Variants in MYBPC2 observed in about 807,000 individuals in gnomAD.
MYBPC2 encodes the protein myosin binding protein C2.
A neutral mutation model predicts 137.0 loss-of-function variants in MYBPC2; 122 were observed. The observed-to-expected ratio is 0.89, with a 90% CI of 0.77 to 1.03. The LOEUF is 1.03. Among genes scored for constraint, MYBPC2 ranks in the 50% least tolerant of loss-of-function variants. The probability of loss-of-function intolerance (pLI) is 0.00; values close to 1 mark genes in which losing one functional copy is unlikely to be tolerated. For synonymous variants in MYBPC2, 626 were observed against 612.3 expected (o/e 1.02, Z -0.33); for missense variants, 1,500 against 1,534.4 (o/e 0.98, Z 0.37).
In MYBPC2 at chr19:50,436,713, G is replaced by A; in HGVS notation, c.442G>A (p.Gly148Ser). The A allele has an allele frequency of 1.2e-6, 2 of 1,613,892 alleles. No individual in the cohort carries two copies. Among genetic ancestry groups the A allele is most frequent in the Non-Finnish European group, 1.7e-6 (2 of 1,179,808 alleles). Residue 148 changes from glycine to serine, a missense_variant, in exon 5 of 28, where the codon GGC becomes AGC. Physicochemically the swap from Gly to Ser is moderately conservative, Grantham distance 56 (BLOSUM62 0). Coordinates refer to ENST00000357701, the MANE Select transcript of MYBPC2 (RefSeq NM_004533.4). ...AGCCAAGGACACCTGTGACAGCTGT[G>A]GCTTCAACATCGATGTGGAGGGTAT... ...VKAKDTCDSC[G>S]FNIDVEAPRQ... is the part of the protein sequence containing the mutation.
chr19:50,464,658 G>GGCT, intron 27 of MYBPC2, 126 bp downstream of exon 27: 1 of 1,143,710 alleles, frequency 8.7e-7, no homozygotes, highest in South Asian at 1.7e-5. Flanking sequence ...CTGGGAGGAG[G>GGCT]ACTGGGAAGC....
At chr19:50,448,466 C>A (rs1196317048) in intron 13 of MYBPC2, 76 bp downstream of exon 13, 1 of 1,516,596 alleles carries the variant, frequency 6.6e-7, no homozygotes, top group Non-Finnish European at 8.9e-7. Flanking sequence ...ACAAGCTGTC[C>A]CCCATTTATT....
Position 50,455,532 on chromosome 19 carries a change from C to T in MYBPC2, c.2226C>T (p.His742=), listed in dbSNP as rs1380893882. The T allele has an allele frequency of 6.2e-7, 1 of 1,613,896 alleles. No homozygotes were observed. Among genetic ancestry groups the T allele is most frequent in the Admixed American group, 1.7e-5 (1 of 60,004 alleles). ...CAGCACCCACGAGTGAACCCCTGCA[C>T]CTGATAGTGGAGGATGTGACAGACA... ...MPIAPTSEPL[H]LIVEDVTDTT... is the part of the protein sequence containing the mutation. Residue 742 remains histidine, a synonymous_variant, in exon 20 of 28, where the codon CAC becomes CAT. Coordinates refer to ENST00000357701, the MANE Select transcript of MYBPC2 (RefSeq NM_004533.4).
At chr19:50,442,354 C>T (rs774440421) in intron 9 of MYBPC2, 41 bp downstream of exon 9, 51 of 1,595,532 alleles carry the variant, frequency 3.2e-5, no homozygotes, top group Middle Eastern at 3.3e-4. Context: ...GGGAGATCCC[C>T]GTCCAGAGAG....
chr19:50,458,507 G>T, intron 20 of MYBPC2, 80 bp from the exon 21 acceptor site: 1 of 1,531,526 alleles, frequency 6.5e-7, no homozygotes, highest in South Asian at 1.2e-5. Flanking sequence ...CTCGCTGCGT[G>T]GGGCCCAAGT....
intron 8 of MYBPC2, among the ~76,000 whole-genome samples, chr19:50,441,416 C>A (rs1372911349): frequency 1.3e-5 from 2 of 152,180 alleles, no homozygotes; most frequent in Admixed American, 6.5e-5. Flanking sequence ...TAACCTGCTC[C>A]TTAATCTCTA....
At chr19:50,454,990 T>C in intron 18 of MYBPC2, 118 bp from the exon 19 acceptor site, 1 of 891,460 alleles carries the variant, frequency 1.1e-6, no homozygotes, top group South Asian at 1.8e-5. Flanking sequence ...CCACCTAAGA[T>C]TCATGGCCTC....
rs370826139 is a variant in MYBPC2, at chr19:50,448,316, A to G, written c.1398A>G (p.Lys466=). Residue 466 remains lysine (K), a synonymous_variant, in exon 13 of 28, where the codon AAA becomes AAG. Coordinates refer to ENST00000357701, the MANE Select transcript of MYBPC2 (RefSeq NM_004533.4). ...AVFKCEVSDE[K]VTGKWYKNGV... ...TCAAGTGCGAGGTGTCTGATGAGAA[A>G]GTGACGGGCAAGTGGTATAAGAATG... 93 of 1,613,822 alleles carry G rather than the reference A, an allele frequency of 5.8e-5. No individual in the cohort carries two copies. Among genetic ancestry groups the G allele is most frequent in the Non-Finnish European group, 7.6e-5 (90 of 1,179,842 alleles).
intron 11 of MYBPC2, 41 bp downstream of exon 11, chr19:50,443,857 T>C: frequency 6.4e-7 from 1 of 1,570,020 alleles, no homozygotes; most frequent in Non-Finnish European, 8.7e-7. Context: ...CAGGTGCACA[T>C]AGTTTCTTTG....
In MYBPC2 at chr19:50,436,699, C is replaced by T. The variant is rs1281422023; in HGVS notation, c.428C>T (p.Thr143Ile). Residue 143 changes from threonine (T) to isoleucine (I), a missense_variant, in exon 5 of 28, where the codon ACC becomes ATC. By Grantham distance (89) the Thr-to-Ile change is moderately conservative (BLOSUM62 -1). Transcript: ENST00000357701. Reference protein sequence around the residue: ...YYRLEVKAKDTCDSCGFNIDV... With the variant: ...YYRLEVKAKDICDSCGFNIDV... ...CGCCTCGAGGTCAAAGCCAAGGACA[C>T]CTGTGACAGCTGTGGCTTCAACATC... 1.2e-6 allele frequency: 2 copies of T among 1,613,746 alleles called. No individual in the cohort carries two copies. The highest frequency in any genetic ancestry group is 1.3e-5 in the African/African-American group (1 of 74,888).
rs2039698899 is a variant in MYBPC2 at position 50,435,938 on chromosome 19, C to T, written c.197-74C>T. On this transcript the variant is annotated intron_variant, in intron 3 of 27. Transcript: ENST00000357701. The surrounding 1 kb of genome is among the most constrained non-coding windows in gnomAD (Gnocchi z 4.8). The stretch of plus-strand genomic sequence containing the variant: ...AGGGAGGAGGGGCCAGGGTCTCGTT[C>T]TGTCTCCCTCTGGAGAGCCTTATGT... 1.3e-6 allele frequency: 2 copies of T among 1,548,434 alleles called. No individual in the cohort carries two copies. Among genetic ancestry groups the T allele is most frequent in the South Asian group, 2.4e-5 (2 of 84,034 alleles).
intron 7 of MYBPC2, among the ~76,000 whole-genome samples, chr19:50,440,453 C>T (rs185145172): frequency 8.2e-4 from 124 of 151,876 alleles, no homozygotes; most frequent in Non-Finnish European, 2.4e-4. Context: ...CACTTAAGGT[C>T]AGGAATTCGA....
chr19:50,437,939 C>T (rs1214367843), intron 7 of MYBPC2, among the ~76,000 whole-genome samples: 4 of 152,142 alleles, frequency 2.6e-5, no homozygotes, highest in African/African-American at 9.7e-5. Context: ...CCCACAACCC[C>T]ACCCAGCCAA....
chr19:50,456,032 ACATCCATCCATCCATATTTC>A (rs972597579), intron 20 of MYBPC2, among the ~76,000 whole-genome samples: 3 of 136,520 alleles, frequency 2.2e-5, no homozygotes, highest in Non-Finnish European at 3.2e-5. Context: ...ACCCATCTGT[ACATCCATCCATCCATATTTC>A]CATCCATCCA....
intron 12 of MYBPC2, among the ~76,000 whole-genome samples, chr19:50,447,498 G>T (rs1208256747): frequency 6.6e-6 from 1 of 152,150 alleles, no homozygotes; most frequent in Non-Finnish European, 1.5e-5. Context: ...TGAGGCCGAG[G>T]TGGGAGGGTA....
At chr19:50,440,696 C>G (rs2039745547) in intron 7 of MYBPC2, among the ~76,000 whole-genome samples, 184 bp from the exon 8 acceptor site, 1 of 149,244 alleles carries the variant, frequency 6.7e-6, no homozygotes, top group African/African-American at 2.5e-5. Flanking sequence ...CCAGTGGGGA[C>G]TGTGCTGGGA....
intron 11 of MYBPC2, among the ~76,000 whole-genome samples, chr19:50,444,501 C>G (rs1435576128): frequency 6.6e-6 from 1 of 152,182 alleles, no homozygotes; most frequent in Non-Finnish European, 1.5e-5. Flanking sequence ...CATCTATGTA[C>G]CTATTCACCA....
intron 7 of MYBPC2, 40 bp downstream of exon 7, chr19:50,437,758 C>G (rs1314567808): frequency 1.9e-6 from 3 of 1,574,994 alleles, no homozygotes; most frequent in East Asian, 4.6e-5. Flanking sequence ...AGATGGGACT[C>G]AAGGGGAGGA....
intron 5 of MYBPC2, 66 bp from the exon 6 acceptor site, chr19:50,437,407 G>T (rs766057648): frequency 8.7e-5 from 131 of 1,510,714 alleles, no homozygotes; most frequent in Middle Eastern, 3.4e-4. Flanking sequence ...CCTGGAGAGG[G>T]GCTCTCAGTC....
Sources: allele counts gnomAD v4.1 joint callset (sites outside exome capture counted in the v4.1 genomes callset), GRCh38; gene constraint gnomAD v4.1.1; non-coding constraint Gnocchi (gnomAD v3.1); transcripts MANE v1.5; gene names NCBI Gene and HGNC (gene_info 2026-07-23, HGNC 2026-07-21).